Variants in KCNJ13 observed in about 807,000 individuals in gnomAD.
KCNJ13 encodes potassium inwardly rectifying channel subfamily J member 13, also known as inward rectifier potassium channel 13.
In KCNJ13, 9 loss-of-function variants were observed where a neutral mutation model predicts 24.6. The ratio of observed to expected loss-of-function variants is 0.37; its 90% CI spans 0.22 to 0.64. The LOEUF (loss-of-function observed/expected upper bound fraction) is 0.64. Among genes scored for constraint, KCNJ13 ranks in the 30% least tolerant of loss-of-function variants. KCNJ13 has a pLI of 0.64. For synonymous variants in KCNJ13, 148 were observed against 154.7 expected, an observed-to-expected ratio of 0.96 and a Z score of 0.32; for missense variants, 337 against 443.8, an observed-to-expected ratio of 0.76 and a Z score of 2.16.
At chr2:232,769,715 G>A (rs1029787885) in intron 2 of KCNJ13, among the ~76,000 whole-genome samples, 1 of 151,910 alleles carries the variant, frequency 6.6e-6, no homozygotes, top group Non-Finnish European at 1.5e-5. Flanking sequence ...TTTTGTTGGC[G>A]GGCTGTTGGT....
In KCNJ13 at chr2:232,767,924, T is replaced by C; in HGVS notation, c.*267A>G. 2.2e-6 allele frequency: 1 copy of C among 448,042 alleles called. No homozygotes were observed. The allele number at this position is 448,042 out of a possible 1,614,324, so 27.8% of individuals were successfully genotyped here. A position where few individuals can be genotyped will look rare whatever the true frequency, so the allele number is the denominator to read the frequency against. On this transcript the variant is annotated 3_prime_UTR_variant, in exon 3 of 3. Coordinates refer to ENST00000233826, the MANE Select transcript of KCNJ13 (RefSeq NM_002242.4). ...TCATTACTAGTATCATACCACATTCTTATAAATTCACCAGCAACATTTCTG... is the reference window on the plus strand; with the variant it reads ...TCATTACTAGTATCATACCACATTCCTATAAATTCACCAGCAACATTTCTG...
rs1698952693 is a variant in KCNJ13, at chr2:232,766,114, A to G, written c.*2077T>C. The G allele has an allele frequency of 2.5e-6, 1 of 393,308 alleles. No individual in the cohort carries two copies. The highest frequency in any genetic ancestry group is 5.3e-6 in the Non-Finnish European group (1 of 187,606). The allele number at this position is 393,308 out of a possible 1,614,324, so 24.4% of individuals were successfully genotyped here. A position where few individuals can be genotyped will look rare whatever the true frequency, so the allele number is the denominator to read the frequency against. ...ATAGAAAACCTAATCCTTAACCTAG[A>G]AACTGTGATTTGAAATAAGTGAAAG... On this transcript the variant is annotated 3_prime_UTR_variant, in exon 3 of 3. Transcript: ENST00000233826.
At chr2:232,770,128 T>C (rs1699172242) in intron 2 of KCNJ13, among the ~76,000 whole-genome samples, 2 of 152,178 alleles carry the variant, frequency 1.3e-5, no homozygotes, top group Non-Finnish European at 2.9e-5. Flanking sequence ...AGTTTGTGAT[T>C]TGCAGGTTAT....
intron 1 of KCNJ13, among the ~76,000 whole-genome samples, chr2:232,772,060 C>T (rs1317269830): frequency 3.3e-5 from 5 of 152,152 alleles, no homozygotes; most frequent in Non-Finnish European, 1.5e-5. Context: ...TCATAGCTCA[C>T]TGCAACCTCA....
Position 232,768,645 on chromosome 2 carries a change from T to C in KCNJ13, c.629A>G (p.Gln210Arg), listed in dbSNP as rs1420183664. The C allele has an allele frequency of 6.2e-7, 1 of 1,613,948 alleles. No homozygotes were observed. The highest frequency in any genetic ancestry group is 1.3e-5 in the African/African-American group (1 of 74,914). The stretch of plus-strand genomic sequence containing the variant: ...GTAGAGTTTGCCATTTTCTCTTTCC[T>C]GATAGAGTACAGCTGAGACCCGGAC... ...TSVRVSAVLY[Q>R]ERENGKLYQT... Residue 210 changes from glutamine to arginine, a missense_variant, in exon 3 of 3, where the codon CAG becomes CGG. By Grantham distance (43) the Gln-to-Arg change is conservative. Coordinates refer to ENST00000233826, the MANE Select transcript of KCNJ13 (RefSeq NM_002242.4).
rs1449364842 is a variant in KCNJ13 at position 232,766,129 on chromosome 2, A to G, written c.*2062T>C. ...CTTAACCTAGAAACTGTGATTTGAAATAAGTGAAAGAAACAATGAACAGTC... is the reference window on the plus strand; with the variant it reads ...CTTAACCTAGAAACTGTGATTTGAAGTAAGTGAAAGAAACAATGAACAGTC... On this transcript the variant is annotated 3_prime_UTR_variant, in exon 3 of 3. Coordinates refer to ENST00000233826, the MANE Select transcript of KCNJ13 (RefSeq NM_002242.4). 4 of 389,046 alleles carry G rather than the reference A, an allele frequency of 1.0e-5. No homozygotes were observed. In the East Asian group the frequency reaches 3.0e-4, roughly 29 times the overall value. The allele number at this position is 389,046 out of a possible 1,614,324, so 24.1% of individuals were successfully genotyped here.
At chr2:232,771,513 C>G in intron 1 of KCNJ13, 135 bp from the exon 2 acceptor site, 2 of 573,288 alleles carry the variant, frequency 3.5e-6, no homozygotes, top group Non-Finnish European at 6.1e-6. Context: ...TCGCTTTTCT[C>G]TTCACGTTAG....
rs559960188 is a variant in KCNJ13 at position 232,766,128 on chromosome 2, A to G, written c.*2063T>C. The G allele has an allele frequency of 7.7e-6, 3 of 388,558 alleles. No individual in the cohort carries two copies. The East Asian group carries it at 2.2e-4, about 29-fold the overall frequency. The allele number at this position is 388,558 out of a possible 1,614,324, so 24.1% of individuals were successfully genotyped here. ...CCTTAACCTAGAAACTGTGATTTGA[A>G]ATAAGTGAAAGAAACAATGAACAGT... On this transcript the variant is annotated 3_prime_UTR_variant, in exon 3 of 3. Transcript: ENST00000233826.
At chr2:232,772,605 T>G (rs2106341752) in intron 1 of KCNJ13, among the ~76,000 whole-genome samples, 1 of 152,314 alleles carries the variant, frequency 6.6e-6, no homozygotes, top group Middle Eastern at 3.4e-3. Flanking sequence ...TAATCATCCT[T>G]GCGTATGACA....
At chr2:232,772,505 G>A (rs1408276523) in intron 1 of KCNJ13, among the ~76,000 whole-genome samples, 1 of 152,134 alleles carries the variant, frequency 6.6e-6, no homozygotes, top group African/African-American at 2.4e-5. Flanking sequence ...GATAACATTA[G>A]TATAATTAGT....
chr2:232,774,444 C>T (rs1699426071), intron 1 of KCNJ13, among the ~76,000 whole-genome samples: 1 of 152,112 alleles, frequency 6.6e-6, no homozygotes, highest in Non-Finnish European at 1.5e-5. Flanking sequence ...TTTTGCACAT[C>T]AGTAAAATTA....
chr2:232,773,882 G>C (rs556852855), intron 1 of KCNJ13, among the ~76,000 whole-genome samples: 1 of 144,282 alleles, frequency 6.9e-6, no homozygotes, highest in Non-Finnish European at 1.5e-5. Context: ...GACCAGCCTA[G>C]GCAACGTAGT....
chr2:232,776,514 G>T lies in KCNJ13; in HGVS notation c.-86C>A. On this transcript the variant is annotated 5_prime_UTR_variant, in exon 1 of 3. Coordinates refer to ENST00000233826, the MANE Select transcript of KCNJ13 (RefSeq NM_002242.4). ...GGAAATTTACAGAGTCTGCCTTTTT[G>T]ATCAGATAATTTTAATCTACAAGTC... The T allele has an allele frequency of 8.3e-7, 1 of 1,198,550 alleles. No individual in the cohort carries two copies. 74.2% of individuals were successfully genotyped at this position (1,198,550 alleles called of 1,614,324 possible).
chr2:232,768,797 C>T lies in KCNJ13; in HGVS notation c.477G>A (p.Lys159=). ...EAFITGAFVA[K]IARPKNRAFS... ...AAGCTCGATTTTTTGGCCGGGCAATCTTCGCCACAAAAGCACCTAAATAAG... is the reference window on the plus strand; with the variant it reads ...AAGCTCGATTTTTTGGCCGGGCAATTTTCGCCACAAAAGCACCTAAATAAG... The change falls in exon 3 of 3, where the codon AAG becomes AAA. Residue 159 remains lysine (K), a synonymous_variant. Coordinates refer to ENST00000233826, the MANE Select transcript of KCNJ13 (RefSeq NM_002242.4). 1 of 1,605,450 alleles carries T rather than the reference C, an allele frequency of 6.2e-7. No individual in the cohort carries two copies. The highest frequency in any genetic ancestry group is 8.5e-7 in the Non-Finnish European group (1 of 1,173,850).
chr2:232,773,689 A>G (rs548688062), intron 1 of KCNJ13, among the ~76,000 whole-genome samples: 1 of 152,224 alleles, frequency 6.6e-6, no homozygotes, highest in Non-Finnish European at 1.5e-5. Context: ...GCTAATATAT[A>G]TATTGTTTAG....
At position 232,771,263 on chromosome 2, in the gene KCNJ13, C is replaced by A. The variant is rs769160785; in HGVS notation, c.100G>T (p.Ala34Ser). The A allele has an allele frequency of 2.5e-6, 4 of 1,607,854 alleles. No individual in the cohort carries two copies. The South Asian group carries it at 3.3e-5, about 13-fold the overall frequency. ...DGHSTLQMDG[A>S]QRGLAYLRDA... ...CGAAGATATGCAAGACCTCTTTGAG[C>A]GCCATCCATTTGAAGTGTGCTGTGG... Residue 34 changes from alanine to serine, a missense_variant, in exon 2 of 3, where the codon GCT (alanine) becomes TCT (serine). Around this residue, in one of 3 missense-constraint regions of KCNJ13, gnomAD observed 101 missense variants for 139.2 expected, o/e 0.73. Transcript: ENST00000233826.
chr2:232,775,942 C>G (rs1699493674), intron 1 of KCNJ13, among the ~76,000 whole-genome samples: 1 of 152,138 alleles, frequency 6.6e-6, no homozygotes, highest in Non-Finnish European at 1.5e-5. Flanking sequence ...CTCAGAGATT[C>G]TATTTTAATT....
rs757304681 is a variant in KCNJ13 at position 232,768,789 on chromosome 2, C to G, written c.485G>C (p.Arg162Pro). Reference sequence around the variant, plus strand: ...AATTGAAAAAGCTCGATTTTTTGGCCGGGCAATCTTCGCCACAAAAGCACC... The same window carrying G: ...AATTGAAAAAGCTCGATTTTTTGGCGGGGCAATCTTCGCCACAAAAGCACC... ...ITGAFVAKIARPKNRAFSIRF... is the reference protein window; with the variant it reads ...ITGAFVAKIAPPKNRAFSIRF... The change falls in exon 3 of 3, where the codon CGG becomes CCG. Residue 162 changes from arginine (R) to proline (P), a missense_variant. Physicochemically the swap from Arg to Pro is moderately radical, Grantham distance 103. Around this residue, in one of 3 missense-constraint regions of KCNJ13, gnomAD observed 235 missense variants for 286.9 expected, o/e 0.82. Coordinates refer to ENST00000233826, the MANE Select transcript of KCNJ13 (RefSeq NM_002242.4). 6.2e-7 allele frequency: 1 copy of G among 1,600,898 alleles called. No homozygotes were observed. Among genetic ancestry groups the G allele is most frequent in the Admixed American group, 1.7e-5 (1 of 58,982 alleles).
At chr2:232,771,593 C>G (rs1243494281) in intron 1 of KCNJ13, among the ~76,000 whole-genome samples, 2 of 152,102 alleles carry the variant, frequency 1.3e-5, no homozygotes, top group Admixed American at 1.3e-4. Flanking sequence ...TCTATTGTTT[C>G]TTTGAATGAC....
Sources: allele counts gnomAD v4.1 joint callset (sites outside exome capture counted in the v4.1 genomes callset), GRCh38; gene constraint gnomAD v4.1.1; regional missense constraint gnomAD v4.1.1; transcripts MANE v1.5; gene names NCBI Gene and HGNC (gene_info 2026-07-23, HGNC 2026-07-21).